Variants in ARHGAP30 observed in about 807,000 individuals in gnomAD.
ARHGAP30 encodes Rho GTPase activating protein 30.
A neutral mutation model predicts 72.0 loss-of-function variants in ARHGAP30; 23 were observed. The observed-to-expected ratio is 0.32, with a 90% confidence interval of 0.23 to 0.45. ARHGAP30 has a LOEUF of 0.45. ARHGAP30 is among the 20% of genes least tolerant of loss of function. ARHGAP30 has a pLI of 1.00. For missense variants in ARHGAP30, 1,319 were observed against 1,383.4 expected, an observed-to-expected ratio of 0.95 and a Z score of 0.74; for synonymous variants, 576 against 528.2, an observed-to-expected ratio of 1.09 and a Z score of -1.24.
intron 2 of ARHGAP30, 132 bp downstream of exon 2, chr1:161,059,482 T>G: frequency 1.4e-6 from 1 of 719,146 alleles, no homozygotes; most frequent in South Asian, 1.9e-5. Context: ...CCTAGGACCT[T>G]ACCTAGTATC....
At position 161,048,566 on chromosome 1, in the gene ARHGAP30, C is replaced by T. The variant is rs1411340720; in HGVS notation, c.2455G>A (p.Asp819Asn). ...GTTGCTGCTTCTGGGCTTCTGCTGT[C>T]TTCACCATCTCCTTGGTCTTTTCTT... is the stretch of plus-strand genomic sequence containing the variant. ...EARKDQGDGE[D>N]SRSPEAATEG... Residue 819 changes from aspartate to asparagine, a missense_variant, in exon 12 of 12, where the codon GAC (aspartate) becomes AAC (asparagine). Coordinates refer to ENST00000368013, the MANE Select transcript of ARHGAP30 (RefSeq NM_001025598.2). 1.2e-6 allele frequency: 2 copies of T among 1,614,150 alleles called. No individual in the cohort carries two copies. The highest frequency in any genetic ancestry group is 1.7e-5 in the Admixed American group (1 of 60,018).
rs138722672 is a variant in ARHGAP30, at chr1:161,057,079, A to G, written c.201-547T>C. ...AAAATGGGAGTAATATTTGCAAACA[A>G]TATATCTGATTGAGGGTCTAGCATT... On this transcript the variant is annotated intron_variant, in intron 2 of 11. Coordinates refer to ENST00000368013, the MANE Select transcript of ARHGAP30 (RefSeq NM_001025598.2). 4.6e-3 allele frequency among the ~76,000 whole-genome samples: 708 copies of G among 152,352 alleles called. 2 individuals carry two copies. The highest frequency in any genetic ancestry group is 7.0e-3 in the Non-Finnish European group (473 of 68,026).
chr1:161,062,038 A>G lies in ARHGAP30; in HGVS notation c.98-2322T>C, dbSNP rs1652347974. On this transcript the variant is annotated intron_variant, in intron 1 of 11. Coordinates refer to ENST00000368013, the MANE Select transcript of ARHGAP30 (RefSeq NM_001025598.2). ...GGGAGGTGGAGGTTGCAATGAGCCA[A>G]GACTGTGCCACTGTACTCCAGCTTT... 3.3e-5 allele frequency among the ~76,000 whole-genome samples: 5 copies of G among 152,146 alleles called. No homozygotes were observed. In the South Asian group the frequency reaches 1.0e-3, roughly 32 times the overall value.
intron 3 of ARHGAP30, among the ~76,000 whole-genome samples, chr1:161,055,886 TAAATAAAATA>T (rs796072565): frequency 0.026 from 1,441 of 55,196 alleles, 28 homozygotes; most frequent in East Asian, 0.072. Context: ...AAAATAAAAA[TAAATAAAATA>T]AAATAAAATA....
chr1:161,065,627 C>T (rs1335970815), intron 1 of ARHGAP30, among the ~76,000 whole-genome samples: 1 of 150,826 alleles, frequency 6.6e-6, no homozygotes, highest in South Asian at 2.1e-4. Context: ...AGTGCAATGG[C>T]GCGATCTCAG....
Position 161,052,293 on chromosome 1 carries a change from G to A in ARHGAP30, c.1011C>T (p.Ala337=). The A allele has an allele frequency of 1.2e-6, 2 of 1,613,626 alleles. No homozygotes were observed. Among genetic ancestry groups the A allele is most frequent in the Middle Eastern group, 1.6e-4 (1 of 6,062 alleles). ...ATGCACCCCTATACTCACCATCACTGGCCCCAGCTGCAGCACTCAGTGAGT... is the reference window on the plus strand; with the variant it reads ...ATGCACCCCTATACTCACCATCACTAGCCCCAGCTGCAGCACTCAGTGAGT... The part of the protein sequence containing the change: ...SMDSLSAAAG[A]SDEPEGLVGP... Residue 337 remains alanine, a synonymous_variant, in exon 9 of 12, where the codon GCC becomes GCT. Transcript: ENST00000368013.
At position 161,056,544 on chromosome 1, in the gene ARHGAP30, CGGTGT is replaced by C. The variant is rs1651890727; in HGVS notation, c.201-17_201-13del. On this transcript the variant is annotated splice_polypyrimidine_tract_variant and intron_variant, in intron 2 of 11. Coordinates refer to ENST00000368013, the MANE Select transcript of ARHGAP30 (RefSeq NM_001025598.2). Reference sequence around the variant, plus strand: ...ACTCAAATTCCTGCCTGGGGAGGCGCGGTGTGGTCAGGAGTGGTAGGGGTTGGGGT... The same window carrying C: ...ACTCAAATTCCTGCCTGGGGAGGCGCGGTCAGGAGTGGTAGGGGTTGGGGT... 6.2e-7 allele frequency: 1 copy of C among 1,609,608 alleles called. No homozygotes were observed. Among genetic ancestry groups the C allele is most frequent in the Non-Finnish European group, 8.5e-7 (1 of 1,179,122 alleles).
At chr1:161,053,161 G>A in intron 6 of ARHGAP30, 97 bp downstream of exon 6, 2 of 1,541,894 alleles carry the variant, frequency 1.3e-6, no homozygotes, top group South Asian at 2.4e-5. Context: ...CAACATCCCT[G>A]TATGAGACTC....
intron 1 of ARHGAP30, among the ~76,000 whole-genome samples, chr1:161,067,262 G>A (rs1226030519): frequency 6.6e-6 from 1 of 152,066 alleles, no homozygotes; most frequent in African/African-American, 2.4e-5. Context: ...AAAAGCTTAG[G>A]GACCTGAGAA....
intron 1 of ARHGAP30, among the ~76,000 whole-genome samples, chr1:161,064,860 AGAGGAAGG>A (rs1652645614): frequency 1.1e-5 from 1 of 94,710 alleles, no homozygotes; most frequent in African/African-American, 3.1e-5. Flanking sequence ...GAAAGGAAGG[AGAGGAAGG>A]AGAGGAAGGA....
At chr1:161,055,335 T>C (rs6660240) in intron 3 of ARHGAP30, among the ~76,000 whole-genome samples, 39,378 of 151,860 alleles carry the variant, frequency 0.26, 7,685 homozygotes, top group African/African-American at 0.55. Context: ...CTACTAAAAA[T>C]TTTAAAAATC....
chr1:161,059,250 A>G (rs547457928), intron 2 of ARHGAP30, among the ~76,000 whole-genome samples: 73 of 151,896 alleles, frequency 4.8e-4, no homozygotes, highest in Non-Finnish European at 8.4e-4. Context: ...GCTGGTCTTG[A>G]ACTCCTGACC....
At chr1:161,051,264 C>T (rs1651337044) in intron 10 of ARHGAP30, 50 bp downstream of exon 10, 1 of 1,519,958 alleles carries the variant, frequency 6.6e-7, no homozygotes, top group African/African-American at 1.4e-5. Flanking sequence ...GAGCTTCAGC[C>T]TAGAGTTCCA....
Position 161,052,276 on chromosome 1 carries a change from C to G in ARHGAP30, c.1018+10G>C, listed in dbSNP as rs372238642. 1.4e-3 allele frequency: 2,266 copies of G among 1,613,700 alleles called. 47 individuals are homozygous for G. In the South Asian group the frequency reaches 0.023, roughly 17 times the overall value. ...CACACATACACACAGAAATGCACCC[C>G]TATACTCACCATCACTGGCCCCAGC... is the stretch of plus-strand genomic sequence containing the variant. On this transcript the variant is annotated intron_variant, in intron 9 of 11. Transcript: ENST00000368013.
Position 161,046,992 on chromosome 1 carries a change from G to A in ARHGAP30, c.*723C>T, listed in dbSNP as rs1200533276. 1 of 470,382 alleles carries A rather than the reference G, an allele frequency of 2.1e-6. No individual in the cohort carries two copies. The highest frequency in any genetic ancestry group is 4.4e-6 in the Non-Finnish European group (1 of 226,794). The allele number at this position is 470,382 out of a possible 1,614,324, so 29.1% of individuals were successfully genotyped here. A position where few individuals can be genotyped will look rare whatever the true frequency, so the allele number is the denominator to read the frequency against. On this transcript the variant is annotated 3_prime_UTR_variant, in exon 12 of 12. Coordinates refer to ENST00000368013, the MANE Select transcript of ARHGAP30 (RefSeq NM_001025598.2). ...CTGAGACATTGACCTTCACTAGAGTGGGACCTGTGGCCCCAGCCTGGCTGG... is the reference window on the plus strand; with the variant it reads ...CTGAGACATTGACCTTCACTAGAGTAGGACCTGTGGCCCCAGCCTGGCTGG...
At chr1:161,056,119 C>T (rs1346411592) in intron 3 of ARHGAP30, among the ~76,000 whole-genome samples, 1 of 152,034 alleles carries the variant, frequency 6.6e-6, no homozygotes. Flanking sequence ...CTCCCCAAGT[C>T]TCACCACTGT....
rs769069190 is a variant in ARHGAP30, at chr1:161,048,707, C to G, written c.2314G>C (p.Gly772Arg). The G allele has an allele frequency of 6.2e-7, 1 of 1,614,000 alleles. No homozygotes were observed. Among genetic ancestry groups the G allele is most frequent in the Non-Finnish European group, 8.5e-7 (1 of 1,180,024 alleles). ...QVEAGRDLEQ[G>R]AQEDQVAEEK... Reference sequence around the variant, plus strand: ...TCAGCAACTTGATCTTCCTGGGCCCCTTGCTCTAGGTCCCTTCCAGCTTCT... The same window carrying G: ...TCAGCAACTTGATCTTCCTGGGCCCGTTGCTCTAGGTCCCTTCCAGCTTCT... The change falls in exon 12 of 12, where the codon GGG becomes CGG. Residue 772 changes from glycine to arginine, a missense_variant. By Grantham distance (125) the Gly-to-Arg change is moderately radical. This residue lies in a region of ARHGAP30 where 1,097 missense variants were observed against 1,045.2 expected (regional missense o/e 1.05). Coordinates refer to ENST00000368013, the MANE Select transcript of ARHGAP30 (RefSeq NM_001025598.2).
At chr1:161,059,766 T>C (rs1652179358) in intron 1 of ARHGAP30, 50 bp from the exon 2 acceptor site, 6 of 1,501,332 alleles carry the variant, frequency 4.0e-6, no homozygotes, top group Non-Finnish European at 4.6e-6. Flanking sequence ...ATCTGGGTGG[T>C]CAAAGACTGC....
In ARHGAP30 at chr1:161,061,225, G is replaced by A. The variant is rs1199091767; in HGVS notation, c.98-1509C>T. On this transcript the variant is annotated intron_variant, in intron 1 of 11. Transcript: ENST00000368013. Reference sequence around the variant, plus strand: ...CTGTTTCCCAGACTGGAGTGCAGTGGCACAGTCTTGGCTCACTGCAACCTC... The same window carrying A: ...CTGTTTCCCAGACTGGAGTGCAGTGACACAGTCTTGGCTCACTGCAACCTC... Among the ~76,000 whole-genome samples, 3 of 151,930 alleles carry A rather than the reference G, an allele frequency of 2.0e-5. No homozygotes were observed. The East Asian group carries it at 5.8e-4, about 29-fold the overall frequency.
Sources: allele counts gnomAD v4.1 joint callset (sites outside exome capture counted in the v4.1 genomes callset), GRCh38; gene constraint gnomAD v4.1.1; regional missense constraint gnomAD v4.1.1; transcripts MANE v1.5; gene names NCBI Gene and HGNC (gene_info 2026-07-23, HGNC 2026-07-21).